Variants in EPHA1 observed in about 807,000 individuals in gnomAD.
EPHA1 encodes EPH receptor A1.
A neutral mutation model predicts 110.1 loss-of-function variants in EPHA1; 92 were observed. The ratio of observed to expected loss-of-function variants is 0.84; its 90% confidence interval spans 0.71 to 0.99. The LOEUF is 0.99. Ranked by LOEUF, EPHA1 falls within the 50% of genes least tolerant of loss-of-function variation. The pLI, the probability that EPHA1 is intolerant of heterozygous loss-of-function variation, is 0.00. For synonymous variants in EPHA1, 500 were observed against 516.1 expected (o/e 0.97, Z 0.42); for missense variants, 1,204 against 1,285.4 (o/e 0.94, Z 0.97).
At chr7:143,391,805 G>A (rs763155671) in intron 16 of EPHA1, 30 bp from the exon 17 acceptor site, 29 of 1,610,566 alleles carry the variant, frequency 1.8e-5, no homozygotes, top group Non-Finnish European at 2.3e-5. Context: ...CAGTCACAGC[G>A]GGTACATGGG....
rs571437366 is a variant in EPHA1 at position 143,394,490 on chromosome 7, G to A, written c.2353-147C>T. The A allele has an allele frequency of 3.4e-5, 35 of 1,044,050 alleles. No homozygotes were observed. In the East Asian group the frequency reaches 3.7e-4, roughly 11 times the overall value. The allele number at this position is 1,044,050 out of a possible 1,614,324, so 64.7% of individuals were successfully genotyped here. ...GGCTGCAGTGCAGTGGCGCAATCTC[G>A]GCTCACTGCAACCTCCACCTCCCAG... On this transcript the variant is annotated intron_variant, in intron 14 of 17. Transcript: ENST00000275815.
At chr7:143,403,903 G>A (rs1030557710) in intron 2 of EPHA1, among the ~76,000 whole-genome samples, 1 of 152,152 alleles carries the variant, frequency 6.6e-6, no homozygotes, top group Non-Finnish European at 1.5e-5. Context: ...TCAGTTGGAT[G>A]AGTTTCTTTT....
intron 5 of EPHA1, 44 bp downstream of exon 5, chr7:143,399,214 C>A: frequency 6.3e-7 from 1 of 1,587,114 alleles, no homozygotes. Context: ...AGCAAAGATC[C>A]AGCCCCTCCC....
At position 143,395,384 on chromosome 7, in the gene EPHA1, T is replaced by C. The variant is rs1398707074; in HGVS notation, c.2018A>G (p.Glu673Gly). 1 of 1,614,118 alleles carries C rather than the reference T, an allele frequency of 6.2e-7. No individual in the cohort carries two copies. The highest frequency in any genetic ancestry group is 1.3e-5 in the African/African-American group (1 of 74,938). ...PGGQWWNFLR[E>G]ATIMGQFSHP... ...GCTAAACTGGCCCATGATAGTTGCC[T>C]CTCGAAGGAAGTTCCACCACTGGCC... The change falls in exon 12 of 18, where the codon GAG (glutamate) becomes GGG (glycine). Residue 673 changes from glutamate to glycine, a missense_variant. Physicochemically the swap from Glu to Gly is moderately conservative, Grantham distance 98. Coordinates refer to ENST00000275815, the MANE Select transcript of EPHA1 (RefSeq NM_005232.5). The surrounding 1 kb of genome is among the most constrained non-coding windows in gnomAD (Gnocchi z 4.7).
intron 1 of EPHA1, 194 bp from the exon 2 acceptor site, chr7:143,407,872 T>C (rs984153028): frequency 6.7e-6 from 3 of 446,888 alleles, no homozygotes; most frequent in Non-Finnish European, 1.2e-5. Context: ...CTCTTCTTTG[T>C]GTGTGTGAAG....
At chr7:143,398,132 C>T in intron 7 of EPHA1, 62 bp from the exon 8 acceptor site, 1 of 1,602,258 alleles carries the variant, frequency 6.2e-7, no homozygotes, top group Non-Finnish European at 8.5e-7. Context: ...ATGTGATGGA[C>T]AGCATCAGAG....
In EPHA1 at chr7:143,399,891, C is replaced by T. The variant is rs1805371266; in HGVS notation, c.595G>A (p.Val199Ile). The part of the protein sequence containing the change: ...GACVALVSVR[V>I]FYQRCPETLN... ...GTCTCAGGACAGCGCTGGTAGAAGA[C>T]CCGGACAGACACCAGGGCCACACAG... Residue 199 changes from valine (V) to isoleucine (I), a missense_variant, in exon 4 of 18, where the codon GTC becomes ATC. Val to Ile is a conservative substitution (Grantham distance 29). Transcript: ENST00000275815. The T allele has an allele frequency of 6.2e-7, 1 of 1,609,744 alleles. No individual in the cohort carries two copies. Among genetic ancestry groups the T allele is most frequent in the Non-Finnish European group, 8.5e-7 (1 of 1,177,970 alleles).
Position 143,398,816 on chromosome 7 carries a change from T to C in EPHA1, c.1121A>G (p.Gln374Arg). The C allele has an allele frequency of 1.9e-6, 3 of 1,613,484 alleles. No individual in the cohort carries two copies. Among genetic ancestry groups the C allele is most frequent in the South Asian group, 1.1e-5 (1 of 91,086 alleles). The change falls in exon 6 of 18, where the codon CAG becomes CGG. Residue 374 changes from glutamine to arginine, a missense_variant. Coordinates refer to ENST00000275815, the MANE Select transcript of EPHA1 (RefSeq NM_005232.5). The part of the protein sequence containing the change: ...VRYSVRCSQC[Q>R]GTAQDGGPCQ... ...GGGCCCCCCGTCCTGTGCTGTGCCC[T>C]GACACTGGGAACACCTCACACTGTA...
chr7:143,406,468 G>A (rs565159635), intron 2 of EPHA1, among the ~76,000 whole-genome samples: 2 of 152,330 alleles, frequency 1.3e-5, no homozygotes, highest in African/African-American at 4.8e-5. Context: ...GTTATAGTAA[G>A]CCAGTAAATC....
Position 143,393,808 on chromosome 7 carries a change from G to A in EPHA1, c.2559C>T (p.Ala853=). The A allele has an allele frequency of 1.2e-6, 2 of 1,606,476 alleles. No homozygotes were observed. Among genetic ancestry groups the A allele is most frequent in the Middle Eastern group, 1.7e-4 (1 of 6,024 alleles). The change falls in exon 16 of 18, where the codon GCC becomes GCT. Residue 853 remains alanine (A), a synonymous_variant. Transcript: ENST00000275815. This position sits in a 1 kb window ranked among gnomAD's most constrained non-coding sequence, Gnocchi z 5.6. The stretch of plus-strand genomic sequence containing the variant: ...AGTTCTTCATGAGCTCATACAGAGG[G>A]GCAGGGCAGTCCACAGGAGGGGGCA... ...YRLPPPVDCP[A]PLYELMKNCW...
Position 143,401,221 on chromosome 7 carries a change from T to A in EPHA1, c.432+103A>T. On this transcript the variant is annotated intron_variant, in intron 3 of 17. Coordinates refer to ENST00000275815, the MANE Select transcript of EPHA1 (RefSeq NM_005232.5). The surrounding 1 kb of genome is among the most constrained non-coding windows in gnomAD (Gnocchi z 4.1). ...AAGCGCCAAATTCTTTTCAAGATTCTACCTCTGCACCCTCTTCCTGTCTCT... is the reference window on the plus strand; with the variant it reads ...AAGCGCCAAATTCTTTTCAAGATTCAACCTCTGCACCCTCTTCCTGTCTCT... 5 of 1,439,432 alleles carry A rather than the reference T, an allele frequency of 3.5e-6. No homozygotes were observed. The highest frequency in any genetic ancestry group is 4.7e-6 in the Non-Finnish European group (5 of 1,070,764). 89.2% of individuals were successfully genotyped at this position (1,439,432 alleles called of 1,614,324 possible).
intron 2 of EPHA1, among the ~76,000 whole-genome samples, chr7:143,406,287 T>C (rs4283960): frequency 0.83 from 126,174 of 152,100 alleles, 53,132 homozygotes; most frequent in Middle Eastern, 0.94. Context: ...ATGATCTAAT[T>C]AATCACGCCT....
intron 2 of EPHA1, 140 bp downstream of exon 2, chr7:143,407,471 A>T: frequency 2.7e-5 from 15 of 560,216 alleles, no homozygotes; most frequent in Middle Eastern, 3.1e-4. Context: ...GGAGGCTCTG[A>T]CTCAGCCTCC....
Position 143,398,450 on chromosome 7 carries a change from T to G in EPHA1, c.1337-2A>C. 1 of 1,614,118 alleles carries G rather than the reference T, an allele frequency of 6.2e-7. No individual in the cohort carries two copies. Among genetic ancestry groups the G allele is most frequent in the Non-Finnish European group, 8.5e-7 (1 of 1,179,992 alleles). On this transcript the variant is annotated splice_acceptor_variant, in intron 6 of 17. Coordinates refer to ENST00000275815, the MANE Select transcript of EPHA1 (RefSeq NM_005232.5). LOFTEE classifies it high-confidence loss of function. ...TCAGAGACAGGCCTGACAGTGACTC[T>G]GGGGGTCCAGAGGGATAAGGTTGGA...
intron 2 of EPHA1, among the ~76,000 whole-genome samples, chr7:143,405,632 GGGCCCAAGGAA>G (rs1054457728): frequency 1.3e-5 from 2 of 152,184 alleles, no homozygotes; most frequent in African/African-American, 4.8e-5. Flanking sequence ...GAGGTGTCAA[GGGCCCAAGGAA>G]GGCCCATGGG....
rs1230743118 is a variant in EPHA1 at position 143,394,746 on chromosome 7, CTG to C, written c.2352+60_2352+61del. The C allele has an allele frequency of 3.2e-6, 5 of 1,586,722 alleles. No individual in the cohort carries two copies. The East Asian group carries it at 8.9e-5, about 28-fold the overall frequency. On this transcript the variant is annotated intron_variant, in intron 14 of 17. Transcript: ENST00000275815. Reference sequence around the variant, plus strand: ...AGTCTTTGTGCCTATATACATGTGACTGTATGAATGGCATGTTACGGGGCAAT... The same window carrying C: ...AGTCTTTGTGCCTATATACATGTGACTATGAATGGCATGTTACGGGGCAAT...
chr7:143,399,169 C>T, intron 5 of EPHA1, 89 bp downstream of exon 5: 2 of 1,515,488 alleles, frequency 1.3e-6, no homozygotes, highest in Non-Finnish European at 1.8e-6. Flanking sequence ...CAATATCTGA[C>T]AAGCTCTGGA....
intron 7 of EPHA1, 123 bp from the exon 8 acceptor site, chr7:143,398,193 G>C (rs1805312592): frequency 6.4e-7 from 1 of 1,574,540 alleles, no homozygotes; most frequent in African/African-American, 1.3e-5. Context: ...GTTCTTCATA[G>C]ACTTTTGTCC....
In EPHA1 at chr7:143,401,527, T is replaced by G; in HGVS notation, c.229A>C (p.Thr77Pro). Residue 77 changes from threonine to proline, a missense_variant, in exon 3 of 18, where the codon ACT becomes CCT. Thr to Pro is a conservative substitution (Grantham distance 38). Transcript: ENST00000275815. The surrounding 1 kb of genome is among the most constrained non-coding windows in gnomAD (Gnocchi z 4.1). ...QDCPMQGRRD[T>P]DHWLRSNWIY... ...CAATTGGAGCGAAGCCAGTGGTCAGTGTCTCTGCGTCCTTGCATTGGGCAG... is the reference window on the plus strand; with the variant it reads ...CAATTGGAGCGAAGCCAGTGGTCAGGGTCTCTGCGTCCTTGCATTGGGCAG... 6.2e-7 allele frequency: 1 copy of G among 1,614,144 alleles called. No individual in the cohort carries two copies. The highest frequency in any genetic ancestry group is 8.5e-7 in the Non-Finnish European group (1 of 1,180,024).
Sources: gnomAD v4.1 joint callset for allele counts (sites outside exome capture counted in the v4.1 genomes callset) on GRCh38, gnomAD v4.1.1 for gene constraint, Gnocchi (gnomAD v3.1) non-coding constraint, MANE v1.5 for transcripts, NCBI Gene and HGNC (gene_info 2026-07-23, HGNC 2026-07-21) for gene names.